The following NCR1 variants were observed in gnomAD, a reference collection of about 807,000 sequenced individuals.
NCR1 encodes NK cell-activating receptor.
In NCR1, 30 loss-of-function variants were observed where a neutral mutation model predicts 32.5. The observed-to-expected ratio is 0.92, with a 90% confidence interval of 0.69 to 1.25. The LOEUF (loss-of-function observed/expected upper bound fraction) is 1.25. Ranked by LOEUF, NCR1 falls within the 50% of genes most tolerant of loss-of-function variation. The pLI is 0.00. For synonymous variants in NCR1, 169 were observed against 143.4 expected (o/e 1.18, Z -1.28); for missense variants, 369 against 380.7 (o/e 0.97, Z 0.26).
At chr19:54,914,770 C>T (rs1374887896), downstream of NCR1, among the ~76,000 whole-genome samples, 15 of 149,586 alleles carry the variant, frequency 1.0e-4, no homozygotes, top group Admixed American at 8.7e-4. Context: ...GAGACAGTCT[C>T]ACTCTGTAGC....
At chr19:54,903,356 A>G (rs1275570101), upstream of NCR1, among the ~76,000 whole-genome samples, 1,208 of 130,568 alleles carry the variant, frequency 9.3e-3, 26 homozygotes, top group Middle Eastern at 0.027. Flanking sequence ...ATATGCATAT[A>G]TACATACATG....
chr19:54,906,633 C>T lies in NCR1; in HGVS notation c.181C>T (p.His61Tyr), dbSNP rs587625915. ...GNYGAVEYQL[H>Y]FEGSLFAVDR... ...TTATGGGGCTGTTGAATACCAGCTGCACTTTGAAGGAAGCCTTTTTGCCGT... is the reference window on the plus strand; with the variant it reads ...TTATGGGGCTGTTGAATACCAGCTGTACTTTGAAGGAAGCCTTTTTGCCGT... The change falls in exon 3 of 7, where the codon CAC becomes TAC. Residue 61 changes from histidine (H) to tyrosine (Y), a missense_variant. Transcript: ENST00000291890. 6.2e-7 allele frequency: 1 copy of T among 1,614,236 alleles called. No individual in the cohort carries two copies. The highest frequency in any genetic ancestry group is 1.7e-5 in the Admixed American group (1 of 60,030).
At chr19:54,901,360 CAAAAAAAAAAAAA>C (rs80189325), upstream of NCR1, among the ~76,000 whole-genome samples, 1 of 91,212 alleles carries the variant, frequency 1.1e-5, no homozygotes, top group African/African-American at 5.2e-5. Flanking sequence ...GAGTCCATCT[CAAAAAAAAAAAAA>C]AAAAAAAAAA....
At chr19:54,934,340 T>G in the NCR1 span, 1 of 815,240 alleles carries the variant, frequency 1.2e-6, no homozygotes, top group East Asian at 2.4e-5. The surrounding 1 kb of genome is among the most constrained non-coding windows in gnomAD (Gnocchi z 6.7). Flanking sequence ...CTGCTGAGAT[T>G]ACAGGCAGGA....
rs1602069500 is a variant in NCR1 at position 54,912,932 on chromosome 19, G to A, written c.*61G>A. 1.6e-5 allele frequency: 24 copies of A among 1,542,160 alleles called. No homozygotes were observed. Among genetic ancestry groups the A allele is most frequent in the Admixed American group, 1.1e-4 (6 of 53,810 alleles). On this transcript the variant is annotated 3_prime_UTR_variant, in exon 7 of 7. Transcript: ENST00000291890. Reference sequence around the variant, plus strand: ...CTGAAAGCTGGTGTTGAGCCTGGGCGGCGTGAGCTCTGTGTTGGACCCACG... The same window carrying A: ...CTGAAAGCTGGTGTTGAGCCTGGGCAGCGTGAGCTCTGTGTTGGACCCACG...
chr19:54,916,357 G>A (rs1455288758), downstream of NCR1, among the ~76,000 whole-genome samples: 1 of 94,310 alleles, frequency 1.1e-5, no homozygotes, highest in African/African-American at 3.6e-5. Flanking sequence ...GTCCTGCTCT[G>A]TCACCCAGGC....
the NCR1 span, among the ~76,000 whole-genome samples, chr19:54,931,800 A>G: frequency 6.6e-6 from 1 of 152,010 alleles, no homozygotes; most frequent in African/African-American, 2.4e-5. Flanking sequence ...CAGTGAGCCA[A>G]GATCGCACCA....
chr19:54,900,241 G>A, the NCR1 span, among the ~76,000 whole-genome samples: 1 of 152,186 alleles, frequency 6.6e-6, no homozygotes, highest in African/African-American at 2.4e-5. Flanking sequence ...CAACAAGGCT[G>A]TTTATTTCAC....
the NCR1 span, among the ~76,000 whole-genome samples, chr19:54,924,563 G>A: frequency 0.11 from 16,428 of 152,216 alleles, 1,074 homozygotes; most frequent in Middle Eastern, 0.25. Context: ...GGCGGAGGTT[G>A]CAACGAGCTA....
intron 5 of NCR1, among the ~76,000 whole-genome samples, 175 bp from the exon 6 acceptor site, chr19:54,911,993 G>A (rs372023669): frequency 2.0e-5 from 3 of 152,106 alleles, no homozygotes; most frequent in African/African-American, 7.2e-5. Context: ...TTCCTCGTCA[G>A]GTTCGTCCAT....
downstream of NCR1, among the ~76,000 whole-genome samples, chr19:54,920,813 A>G (rs1401748260): frequency 6.6e-6 from 1 of 152,128 alleles, no homozygotes; most frequent in Non-Finnish European, 1.5e-5. Context: ...ACACAGCACC[A>G]CCACCATCTT....
the NCR1 span, among the ~76,000 whole-genome samples, chr19:54,935,972 C>T: frequency 6.6e-6 from 1 of 152,174 alleles, no homozygotes; most frequent in East Asian, 1.9e-4. Context: ...GGGGCCACTG[C>T]TCTCAATCCC....
chr19:54,932,828 G>T, the NCR1 span, among the ~76,000 whole-genome samples: 1 of 151,868 alleles, frequency 6.6e-6, no homozygotes. Flanking sequence ...GTTAATTTTT[G>T]TATTTTTTAG....
At chr19:54,932,065 G>A in the NCR1 span, among the ~76,000 whole-genome samples, 1 of 152,058 alleles carries the variant, frequency 6.6e-6, no homozygotes, top group Non-Finnish European at 1.5e-5. Flanking sequence ...CATATATAGG[G>A]GTATAGTGTG....
chr19:54,908,399 C>T lies in NCR1; in HGVS notation c.356-846C>T, dbSNP rs1311784412. 5.9e-5 allele frequency among the ~76,000 whole-genome samples: 9 copies of T among 151,806 alleles called. No individual in the cohort carries two copies. The Admixed American group carries it at 5.9e-4, about 10-fold the overall frequency. The stretch of plus-strand genomic sequence containing the variant: ...CTATGTCTACTTCTTTCTACACAGA[C>T]ACAGTAACAATCTGATCTCTCTTTC... On this transcript the variant is annotated intron_variant, in intron 3 of 6. Transcript: ENST00000291890.
intron 5 of NCR1, 70 bp from the exon 6 acceptor site, chr19:54,912,098 C>A: frequency 7.4e-7 from 1 of 1,358,134 alleles, no homozygotes; most frequent in South Asian, 1.2e-5. Flanking sequence ...ATGGGGTAGA[C>A]CCAAGGGAAG....
rs201331285 is a variant in NCR1 at position 54,906,791 on chromosome 19, G to C, written c.339G>C (p.Leu113=). 11 of 1,614,052 alleles carry C rather than the reference G, an allele frequency of 6.8e-6. No homozygotes were observed. Among genetic ancestry groups the C allele is most frequent in the Non-Finnish European group, 9.3e-6 (11 of 1,180,040 alleles). Residue 113 remains leucine (L), a synonymous_variant, in exon 3 of 7, where the codon CTG becomes CTC. Transcript: ENST00000291890. ...GELWSEPSNL[L]DLVVTEMYDT... is the part of the protein sequence containing the mutation. The stretch of plus-strand genomic sequence containing the variant: ...TCTGGTCAGAGCCCAGCAACTTGCT[G>C]GATCTGGTGGTAACAGGTAACTGTC...
At chr19:54,920,126 GTC>G (rs2068219349), downstream of NCR1, among the ~76,000 whole-genome samples, 1 of 152,102 alleles carries the variant, frequency 6.6e-6, no homozygotes, top group Non-Finnish European at 1.5e-5. Context: ...CGTGTCCTCT[GTC>G]TCTTGCCTCG....
chr19:54,925,970 A>G, the NCR1 span, among the ~76,000 whole-genome samples: 9 of 151,940 alleles, frequency 5.9e-5, no homozygotes, highest in African/African-American at 1.9e-4. Flanking sequence ...GCTTCACTCC[A>G]GCCTGGGCGA....
Sources: allele counts gnomAD v4.1 joint callset (sites outside exome capture counted in the v4.1 genomes callset), GRCh38; gene constraint gnomAD v4.1.1; non-coding constraint Gnocchi (gnomAD v3.1); transcripts MANE v1.5; gene names NCBI Gene and HGNC (gene_info 2026-07-23, HGNC 2026-07-21).